Variants in GRHL2 observed in about 807,000 individuals in gnomAD.
GRHL2 encodes grainyhead-like protein 2 homolog.
GRHL2 carries 21 observed loss-of-function variants against 83.8 expected under a neutral mutation model. That is an observed-to-expected ratio of 0.25 (90% CI 0.18 to 0.36). The LOEUF is 0.36. Ranked by LOEUF, GRHL2 falls within the 10% of genes least tolerant of loss-of-function variation. GRHL2 has a pLI of 1.00. For missense variants in GRHL2, 623 were observed against 781.8 expected (o/e 0.80, Z 2.42); for synonymous variants, 280 against 278.9 (o/e 1.00, Z -0.04).
chr8:101,561,432 A>T (rs1217488704), intron 4 of GRHL2, among the ~76,000 whole-genome samples: 1 of 152,174 alleles, frequency 6.6e-6, no homozygotes, highest in East Asian at 1.9e-4. Context: ...CTCATCCCCA[A>T]CATCCACAAC....
rs1812982285 is a variant in GRHL2, at chr8:101,622,325, C to A, written c.1257+2628C>A. Among the ~76,000 whole-genome samples, 4 of 152,028 alleles carry A rather than the reference C, an allele frequency of 2.6e-5. No homozygotes were observed. The South Asian group carries it at 8.4e-4, about 32-fold the overall frequency. On this transcript the variant is annotated intron_variant, in intron 9 of 15. Coordinates refer to ENST00000646743, the MANE Select transcript of GRHL2 (RefSeq NM_024915.4). ...CAGGCAGAAACAAAATAAACAAACC[C>A]CCAAAATCCAGAGAATATTTCTTCT...
intron 8 of GRHL2, 56 bp from the exon 9 acceptor site, chr8:101,619,483 T>C (rs1812919625): frequency 1.3e-6 from 2 of 1,531,790 alleles, no homozygotes; most frequent in African/African-American, 2.7e-5. Flanking sequence ...GTTTATGCGT[T>C]TATTGTACAT....
intron 12 of GRHL2, among the ~76,000 whole-genome samples, 182 bp downstream of exon 12, chr8:101,637,110 A>G (rs1056845449): frequency 2.6e-5 from 4 of 152,080 alleles, no homozygotes; most frequent in Non-Finnish European, 1.5e-5. Context: ...TGGAGGAATG[A>G]ATAGCTTTCT....
intron 7 of GRHL2, among the ~76,000 whole-genome samples, chr8:101,581,749 A>G (rs1812056918): frequency 6.6e-6 from 1 of 152,188 alleles, no homozygotes; most frequent in Non-Finnish European, 1.5e-5. Context: ...CTGTACTCAA[A>G]CTGCTCAAGA....
intron 5 of GRHL2, among the ~76,000 whole-genome samples, chr8:101,570,878 C>T (rs1049643667): frequency 6.6e-6 from 1 of 152,220 alleles, no homozygotes; most frequent in Non-Finnish European, 1.5e-5. Flanking sequence ...TTCCACCTGT[C>T]ATCTCCTTTC....
In GRHL2 at chr8:101,573,686, C is replaced by G. The variant is rs567898885; in HGVS notation, c.753C>G (p.Thr251=). 6.2e-7 allele frequency: 1 copy of G among 1,614,086 alleles called. No homozygotes were observed. Among genetic ancestry groups the G allele is most frequent in the Non-Finnish European group, 8.5e-7 (1 of 1,180,016 alleles). ...TTCACAGTGGCACATTTCAGTACAC[C>G]CTGGAAGCCACCAAATCTCTCCGTC... ...DQTSSGTFQY[T]LEATKSLRQK... is the part of the protein sequence containing the mutation. The change falls in exon 6 of 16, where the codon ACC becomes ACG. Residue 251 remains threonine, a synonymous_variant. Coordinates refer to ENST00000646743, the MANE Select transcript of GRHL2 (RefSeq NM_024915.4).
At chr8:101,653,347 CAA>C (rs1178146757) in intron 14 of GRHL2, among the ~76,000 whole-genome samples, 1 of 152,150 alleles carries the variant, frequency 6.6e-6, no homozygotes, top group Non-Finnish European at 1.5e-5. Context: ...CGTGATTAAT[CAA>C]GAGATATTAT....
At chr8:101,626,850 G>GT (rs1563614773) in intron 9 of GRHL2, among the ~76,000 whole-genome samples, 1 of 152,086 alleles carries the variant, frequency 6.6e-6, no homozygotes, top group East Asian at 1.9e-4. Flanking sequence ...TACTCGGAAG[G>GT]TCTTGCTCAA....
At chr8:101,541,647 C>T (rs1434633582) in intron 1 of GRHL2, among the ~76,000 whole-genome samples, 1 of 152,110 alleles carries the variant, frequency 6.6e-6, no homozygotes, top group Non-Finnish European at 1.5e-5. Context: ...AATACAATGT[C>T]TCATTGTTCC....
downstream of GRHL2, among the ~76,000 whole-genome samples, chr8:101,673,556 C>A (rs1814243210): frequency 6.8e-6 from 1 of 147,150 alleles, no homozygotes; most frequent in South Asian, 2.3e-4. Context: ...ACAGGAGCAC[C>A]CAGATTCATA....
Position 101,492,450 on chromosome 8 carries a change from CT to C in GRHL2, c.-319del. ...ATTCAGCTCCTTGCGAGAAAGTTAC[CT>C]GTGGCCGCCCAAGTCCGCCACTTTC... On this transcript the variant is annotated 5_prime_UTR_variant, in exon 1 of 16. Transcript: ENST00000646743. The C allele has an allele frequency of 2.0e-6, 1 of 504,010 alleles. No individual in the cohort carries two copies. The highest frequency in any genetic ancestry group is 3.6e-6 in the Non-Finnish European group (1 of 277,170). 31.2% of individuals were successfully genotyped at this position (504,010 alleles called of 1,614,324 possible).
intron 7 of GRHL2, among the ~76,000 whole-genome samples, chr8:101,598,677 G>A (rs1812449065): frequency 7.1e-6 from 1 of 141,226 alleles, no homozygotes; most frequent in African/African-American, 2.5e-5. Flanking sequence ...AATTCCATAT[G>A]AAGTACCCTG....
chr8:101,630,335 G>A (rs538795776), intron 9 of GRHL2, among the ~76,000 whole-genome samples: 3 of 152,024 alleles, frequency 2.0e-5, no homozygotes, highest in African/African-American at 4.8e-5. Context: ...CCATTTGTGC[G>A]TCTTTTTCTG....
At chr8:101,663,309 G>A (rs1563632995) in intron 14 of GRHL2, among the ~76,000 whole-genome samples, 2 of 152,090 alleles carry the variant, frequency 1.3e-5, no homozygotes, top group African/African-American at 4.8e-5. Flanking sequence ...TCAAGTTTTA[G>A]TTTTTTGTTA....
chr8:101,572,131 G>T (rs1376837215), intron 5 of GRHL2, among the ~76,000 whole-genome samples: 1 of 152,114 alleles, frequency 6.6e-6, no homozygotes, highest in Non-Finnish European at 1.5e-5. Flanking sequence ...CCTTTATCTG[G>T]GAAGGAAAAT....
Position 101,645,278 on chromosome 8 carries a change from G to A in GRHL2, c.1612+1053G>A, listed in dbSNP as rs536087581. ...CTCCCAAGTAGCTGGGACTATAGGT[G>A]TGTGCCACCACGCCCAGCTAATTTT... On this transcript the variant is annotated intron_variant, in intron 13 of 15. Coordinates refer to ENST00000646743, the MANE Select transcript of GRHL2 (RefSeq NM_024915.4). Among the ~76,000 whole-genome samples the A allele has an allele frequency of 6.8e-3, 1,030 of 151,686 alleles. 11 individuals are homozygous for A. The highest frequency in any genetic ancestry group is 0.022 in the African/African-American group (921 of 41,318).
intron 5 of GRHL2, 142 bp from the exon 6 acceptor site, chr8:101,573,526 C>T: frequency 1.1e-6 from 1 of 950,130 alleles, no homozygotes; most frequent in East Asian, 2.5e-5. Flanking sequence ...CTGGTCTCAT[C>T]TCTTTTGCCA....
At chr8:101,516,798 C>T (rs1810583040) in intron 1 of GRHL2, among the ~76,000 whole-genome samples, 1 of 152,184 alleles carries the variant, frequency 6.6e-6, no homozygotes, top group South Asian at 2.1e-4. Flanking sequence ...CACTTCCAAC[C>T]ATGAAGATAA....
intron 7 of GRHL2, among the ~76,000 whole-genome samples, chr8:101,587,146 G>C (rs1184331566): frequency 6.6e-6 from 1 of 152,108 alleles, no homozygotes; most frequent in African/African-American, 2.4e-5. Context: ...TACAACGAAT[G>C]TGTCCCTTCG....
Sources: allele counts gnomAD v4.1 joint callset (sites outside exome capture counted in the v4.1 genomes callset), GRCh38; gene constraint gnomAD v4.1.1; transcripts MANE v1.5; gene names NCBI Gene and HGNC (gene_info 2026-07-23, HGNC 2026-07-21).